RABEP1: variants seen among roughly 807,000 people sequenced by gnomAD.
RABEP1 encodes the protein rab GTPase-binding effector protein 1.
Under a neutral mutation model 123.4 loss-of-function variants are expected in RABEP1, and 51 were observed. The observed-to-expected ratio is 0.41, with a 90% CI of 0.33 to 0.52. The LOEUF (loss-of-function observed/expected upper bound fraction) is 0.52, where lower values mean the gene tolerates loss of function less well. Among genes scored for constraint, RABEP1 ranks in the 20% least tolerant of loss-of-function variants. The probability of loss-of-function intolerance (pLI) is 0.16; values close to 1 mark genes in which losing one functional copy is unlikely to be tolerated. For missense variants in RABEP1, 888 were observed against 996.3 expected (o/e 0.89, Z 1.46); for synonymous variants, 347 against 355.2 (o/e 0.98, Z 0.26).
intron 11 of RABEP1, among the ~76,000 whole-genome samples, 187 bp from the exon 12 acceptor site, chr17:5,368,183 C>G (rs1910238945): frequency 6.6e-6 from 1 of 152,162 alleles, no homozygotes; most frequent in Admixed American, 6.6e-5. Context: ...TTGGCACTGC[C>G]TTGTGTTATC....
intron 1 of RABEP1, among the ~76,000 whole-genome samples, chr17:5,286,772 G>T (rs913801582): frequency 6.6e-6 from 1 of 152,166 alleles, no homozygotes; most frequent in African/African-American, 2.4e-5. Flanking sequence ...GCCCTAGTGT[G>T]GGAGAAACGG....
chr17:5,316,306 C>T (rs1258249602), intron 2 of RABEP1, among the ~76,000 whole-genome samples: 1 of 151,666 alleles, frequency 6.6e-6, no homozygotes, highest in Admixed American at 6.6e-5. Flanking sequence ...AAAAAATTAG[C>T]TGGGCATGGC....
intron 6 of RABEP1, among the ~76,000 whole-genome samples, chr17:5,348,538 G>A (rs1446481882): frequency 6.6e-6 from 1 of 152,000 alleles, no homozygotes; most frequent in Non-Finnish European, 1.5e-5. Flanking sequence ...TGGGCAGTTC[G>A]GATCCTCTGA....
rs1472859172 is a variant in RABEP1, at chr17:5,331,969, G to C, written c.184G>C (p.Ala62Pro). 1 of 1,613,948 alleles carries C rather than the reference G, an allele frequency of 6.2e-7. No individual in the cohort carries two copies. The highest frequency in any genetic ancestry group is 1.1e-5 in the South Asian group (1 of 91,074). Residue 62 changes from alanine to proline, a missense_variant, in exon 3 of 18, where the codon GCA becomes CCA. Ala to Pro is a conservative substitution (Grantham distance 27). Transcript: ENST00000537505. ...AKEEDLKRQN[A>P]VLQAAQDDLG... Reference sequence around the variant, plus strand: ...TCCAGAGGATCTGAAGAGGCAAAATGCAGTATTACAAGCTGCACAAGATGA... The same window carrying C: ...TCCAGAGGATCTGAAGAGGCAAAATCCAGTATTACAAGCTGCACAAGATGA...
intron 4 of RABEP1, chr17:5,336,552 G>A: frequency 2.3e-6 from 1 of 429,604 alleles, no homozygotes; most frequent in Admixed American, 3.2e-5. Context: ...GGCTGTGACA[G>A]TTTCTCAGAT....
intron 5 of RABEP1, among the ~76,000 whole-genome samples, chr17:5,344,542 GC>G (rs1275011497): frequency 3.3e-5 from 5 of 152,032 alleles, no homozygotes; most frequent in Non-Finnish European, 7.4e-5. Context: ...GGAGGCCGAG[GC>G]GGGCGGATCA....
intron 4 of RABEP1, among the ~76,000 whole-genome samples, chr17:5,335,971 T>C (rs888854909): frequency 2.6e-5 from 4 of 152,192 alleles, no homozygotes; most frequent in Admixed American, 6.5e-5. Flanking sequence ...TATCCTTTGG[T>C]TTCTGTGTAC....
At chr17:5,290,380 G>A (rs759451218) in intron 1 of RABEP1, among the ~76,000 whole-genome samples, 6 of 152,180 alleles carry the variant, frequency 3.9e-5, no homozygotes, top group East Asian at 1.9e-4. Flanking sequence ...GAGCCACCGC[G>A]CCCGTCCTCC....
chr17:5,344,957 C>T (rs535446299), intron 5 of RABEP1, among the ~76,000 whole-genome samples: 10 of 150,684 alleles, frequency 6.6e-5, no homozygotes, highest in Non-Finnish European at 1.0e-4. Flanking sequence ...ATCGAGACTC[C>T]GTCTCAGAAA....
intron 2 of RABEP1, among the ~76,000 whole-genome samples, chr17:5,330,636 C>T (rs938493930): frequency 6.6e-6 from 1 of 151,990 alleles, no homozygotes; most frequent in Non-Finnish European, 1.5e-5. Flanking sequence ...GTCAGTTTGG[C>T]TCAGTTATTG....
In RABEP1 at chr17:5,383,770, T is replaced by G; in HGVS notation, c.*547T>G. 4.4e-6 allele frequency: 1 copy of G among 225,576 alleles called. No individual in the cohort carries two copies. 14.0% of individuals were successfully genotyped at this position (225,576 alleles called of 1,614,324 possible). A position where few individuals can be genotyped will look rare whatever the true frequency, so the allele number is the denominator to read the frequency against. On this transcript the variant is annotated 3_prime_UTR_variant, in exon 18 of 18. Coordinates refer to ENST00000537505, the MANE Select transcript of RABEP1 (RefSeq NM_004703.6). Reference sequence around the variant, plus strand: ...TTTCCTTTTACCATTTTATCTTATCTTGCTTTGGAGGACCTTAAATGCTAC... The same window carrying G: ...TTTCCTTTTACCATTTTATCTTATCGTGCTTTGGAGGACCTTAAATGCTAC...
chr17:5,358,209 A>G (rs1909193540), intron 8 of RABEP1, among the ~76,000 whole-genome samples: 1 of 152,206 alleles, frequency 6.6e-6, no homozygotes, highest in South Asian at 2.1e-4. Flanking sequence ...CAGAAAATGA[A>G]AAGCGTGATT....
intron 5 of RABEP1, among the ~76,000 whole-genome samples, chr17:5,341,511 G>T (rs571736097): frequency 1.3e-5 from 2 of 152,242 alleles, no homozygotes; most frequent in South Asian, 4.1e-4. Context: ...GATTTTACAG[G>T]TAAGTTTTTC....
chr17:5,323,512 A>G (rs1467064209), intron 2 of RABEP1, among the ~76,000 whole-genome samples: 1 of 151,706 alleles, frequency 6.6e-6, no homozygotes, highest in Non-Finnish European at 1.5e-5. Context: ...AGGACACAAA[A>G]TCAGTACACA....
chr17:5,323,839 A>AAT lies in RABEP1; in HGVS notation c.164-8097_164-8096dup, dbSNP rs369734347. Among the ~76,000 whole-genome samples, 19 of 70,258 alleles carry AAT rather than the reference A, an allele frequency of 2.7e-4. 1 individual carries two copies. Among genetic ancestry groups the AAT allele is most frequent in the African/African-American group, 9.5e-4 (14 of 14,756 alleles). The allele number at this position is 70,258 out of a possible 152,430, so 46.1% of individuals were successfully genotyped here. ...CTAGGAATATATATATATATCTAGG[A>AAT]ATATATATATATATCTAGGAATATA... On this transcript the variant is annotated intron_variant, in intron 2 of 17. Coordinates refer to ENST00000537505, the MANE Select transcript of RABEP1 (RefSeq NM_004703.6).
intron 9 of RABEP1, among the ~76,000 whole-genome samples, chr17:5,362,288 G>T (rs1909619973): frequency 6.6e-6 from 1 of 152,144 alleles, no homozygotes; most frequent in African/African-American, 2.4e-5. Flanking sequence ...TTATAATGAG[G>T]CAAGTGGGGC....
At chr17:5,327,272 TG>T (rs1471143537) in intron 2 of RABEP1, among the ~76,000 whole-genome samples, 2 of 150,664 alleles carry the variant, frequency 1.3e-5, no homozygotes, top group Non-Finnish European at 3.0e-5. Flanking sequence ...CGCTTGAACT[TG>T]GGAGTTGGAG....
intron 1 of RABEP1, among the ~76,000 whole-genome samples, chr17:5,308,127 T>C (rs887161382): frequency 6.6e-6 from 1 of 151,794 alleles, no homozygotes; most frequent in Non-Finnish European, 1.5e-5. Context: ...TTAGAAGCTC[T>C]TTTTTTTGTG....
chr17:5,379,906 G>A (rs1472468748), intron 15 of RABEP1, among the ~76,000 whole-genome samples: 2 of 152,074 alleles, frequency 1.3e-5, no homozygotes, highest in South Asian at 2.1e-4. Context: ...GGCTCCCAAC[G>A]TGCTGTGCTG....
Sources: allele counts gnomAD v4.1 joint callset (sites outside exome capture counted in the v4.1 genomes callset), GRCh38; gene constraint gnomAD v4.1.1; transcripts MANE v1.5; gene names NCBI Gene and HGNC (gene_info 2026-07-23, HGNC 2026-07-21).